Variants in ARL6IP6 observed in about 807,000 individuals in gnomAD.
ARL6IP6 encodes the protein ADP-ribosylation factor-like protein 6-interacting protein 6.
Under a neutral mutation model 21.5 loss-of-function variants are expected in ARL6IP6, and 22 were observed. That is an observed-to-expected ratio of 1.02 (90% CI 0.73 to 1.46). ARL6IP6 has a LOEUF of 1.46. Among genes scored for constraint, ARL6IP6 ranks in the 40% most tolerant of loss-of-function variants. ARL6IP6 has a pLI of 0.00. For missense variants in ARL6IP6, 388 were observed against 299.8 expected (o/e 1.29, Z -2.17); for synonymous variants, 164 against 125.3 (o/e 1.31, Z -2.06).
At chr2:152,755,186 T>C (rs1257365035) in intron 3 of ARL6IP6, among the ~76,000 whole-genome samples, 2 of 152,326 alleles carry the variant, frequency 1.3e-5, no homozygotes, top group East Asian at 3.9e-4. Context: ...AGAGGGCTCC[T>C]TGGTCTAGCG....
upstream of ARL6IP6, chr2:152,718,500 C>G: frequency 1.5e-6 from 2 of 1,367,044 alleles, no homozygotes; most frequent in Non-Finnish European, 1.9e-6. Flanking sequence ...CCTTGCTCTC[C>G]GTGGTTTACC....
At chr2:152,729,334 C>CTGTGTG (rs10604718) in intron 2 of ARL6IP6, among the ~76,000 whole-genome samples, 152 of 151,056 alleles carry the variant, frequency 1.0e-3, no homozygotes, top group African/African-American at 3.5e-3. Context: ...CAGACTTTGT[C>CTGTGTG]TGTGTGTGTG....
chr2:152,753,492 T>C (rs1701432941), intron 3 of ARL6IP6, among the ~76,000 whole-genome samples: 1 of 152,192 alleles, frequency 6.6e-6, no homozygotes, highest in Non-Finnish European at 1.5e-5. Context: ...GATTTGAAAT[T>C]TTAGAATATT....
chr2:152,738,378 G>A (rs1009849793), intron 3 of ARL6IP6, among the ~76,000 whole-genome samples: 6 of 152,324 alleles, frequency 3.9e-5, no homozygotes, highest in South Asian at 4.1e-4. Flanking sequence ...TAGTTCCCCC[G>A]TGGGGACTTT....
intron 2 of ARL6IP6, among the ~76,000 whole-genome samples, chr2:152,726,127 T>G (rs1173189968): frequency 6.6e-6 from 1 of 151,562 alleles, no homozygotes; most frequent in African/African-American, 2.4e-5. Flanking sequence ...TTTGAAATGA[T>G]CTGTAATAAA....
chr2:152,743,751 G>C (rs934324506), intron 3 of ARL6IP6, among the ~76,000 whole-genome samples: 5 of 152,128 alleles, frequency 3.3e-5, no homozygotes, highest in Non-Finnish European at 7.4e-5. Context: ...TGGAAATAAA[G>C]TACTGCTGGA....
chr2:152,756,572 A>G (rs1390625076), intron 3 of ARL6IP6, among the ~76,000 whole-genome samples: 1 of 152,198 alleles, frequency 6.6e-6, no homozygotes, highest in African/African-American at 2.4e-5. Flanking sequence ...CGTATCTTTA[A>G]CAAAAGATTT....
intron 2 of ARL6IP6, among the ~76,000 whole-genome samples, chr2:152,722,779 A>T (rs1462128974): frequency 6.6e-6 from 1 of 152,186 alleles, no homozygotes; most frequent in Non-Finnish European, 1.5e-5. Context: ...ATGGTGGCAC[A>T]GGCCTGTAAT....
intron 2 of ARL6IP6, among the ~76,000 whole-genome samples, chr2:152,726,983 G>T (rs1700078797): frequency 6.6e-6 from 1 of 152,116 alleles, no homozygotes; most frequent in Non-Finnish European, 1.5e-5. Flanking sequence ...ACTGGTTTAT[G>T]TATTTACTAT....
At position 152,760,790 on chromosome 2, in the gene ARL6IP6, A is replaced by G. The variant is rs947538324; in HGVS notation, c.*950A>G. On this transcript the variant is annotated 3_prime_UTR_variant, in exon 4 of 4. Transcript: ENST00000326446. ...TTTTGTATGTGAGAATGATTGAACT[A>G]GTTTGTTCTTAATCTCAAAAATTTA... 1.3e-5 allele frequency: 2 copies of G among 151,994 alleles called. No homozygotes were observed. The highest frequency in any genetic ancestry group is 2.1e-4 in the South Asian group (1 of 4,828). 9.4% of individuals were successfully genotyped at this position (151,994 alleles called of 1,614,324 possible).
In ARL6IP6 at chr2:152,718,800, T is replaced by G. The variant is rs757898288; in HGVS notation, c.176T>G (p.Phe59Cys). ...DQVARDLRAE[F>C]SAGAWSEPRK... ...GTGGCCCGCGACCTGCGGGCGGAGT[T>G]CTCGGCTGGGGCGTGGTCAGAGCCC... Residue 59 changes from phenylalanine to cysteine, a missense_variant, in exon 1 of 4, where the codon TTC becomes TGC. Transcript: ENST00000326446. 1 of 1,607,658 alleles carries G rather than the reference T, an allele frequency of 6.2e-7. No individual in the cohort carries two copies. Among genetic ancestry groups the G allele is most frequent in the South Asian group, 1.1e-5 (1 of 90,244 alleles).
intron 2 of ARL6IP6, among the ~76,000 whole-genome samples, chr2:152,732,176 T>C (rs963591001): frequency 1.3e-5 from 2 of 151,898 alleles, no homozygotes; most frequent in Non-Finnish European, 2.9e-5. Context: ...TATTATAATA[T>C]ACAGAGATAT....
chr2:152,755,878 C>T (rs1465100450), intron 3 of ARL6IP6, among the ~76,000 whole-genome samples: 2 of 152,206 alleles, frequency 1.3e-5, no homozygotes, highest in Non-Finnish European at 2.9e-5. Flanking sequence ...GGGGCTGGAC[C>T]CTACATGTGT....
At position 152,760,972 on chromosome 2, in the gene ARL6IP6, CTT is replaced by C. The variant is rs1037772848; in HGVS notation, c.*1135_*1136del. ...AATTTTTCCCCTATGTTACTAAAGA[CTT>C]TTAATGTTTAGAAAGTTACCTCAGT... On this transcript the variant is annotated 3_prime_UTR_variant, in exon 4 of 4. Coordinates refer to ENST00000326446, the MANE Select transcript of ARL6IP6 (RefSeq NM_152522.7). The C allele has an allele frequency of 6.6e-6, 1 of 152,068 alleles. No individual in the cohort carries two copies. The highest frequency in any genetic ancestry group is 2.4e-5 in the African/African-American group (1 of 41,424). The allele number at this position is 152,068 out of a possible 1,614,324, so 9.4% of individuals were successfully genotyped here. A position where few individuals can be genotyped will look rare whatever the true frequency, so the allele number is the denominator to read the frequency against.
chr2:152,741,658 A>G (rs1700814249), intron 3 of ARL6IP6, among the ~76,000 whole-genome samples: 1 of 152,214 alleles, frequency 6.6e-6, no homozygotes, highest in South Asian at 2.1e-4. Flanking sequence ...GTTATATATT[A>G]GATAAATCTT....
chr2:152,740,522 CAAAATAT>C (rs534520158), intron 3 of ARL6IP6, among the ~76,000 whole-genome samples: 355 of 150,662 alleles, frequency 2.4e-3, no homozygotes, highest in African/African-American at 7.7e-3. Flanking sequence ...CAAATGAATA[CAAAATAT>C]AAAATATAAA....
At chr2:152,752,711 C>A (rs959821027) in intron 3 of ARL6IP6, among the ~76,000 whole-genome samples, 2 of 151,990 alleles carry the variant, frequency 1.3e-5, no homozygotes, top group African/African-American at 4.8e-5. Flanking sequence ...GAATAGGCAC[C>A]CTATGCAGGA....
intron 3 of ARL6IP6, among the ~76,000 whole-genome samples, chr2:152,746,621 G>A (rs2105163059): frequency 6.6e-6 from 1 of 152,136 alleles, no homozygotes; most frequent in African/African-American, 2.4e-5. Flanking sequence ...CTCTAAAATG[G>A]AGTAAAAATA....
chr2:152,751,340 T>C (rs1701321144), intron 3 of ARL6IP6, among the ~76,000 whole-genome samples: 1 of 152,228 alleles, frequency 6.6e-6, no homozygotes, highest in Non-Finnish European at 1.5e-5. Flanking sequence ...CATTTCTTTG[T>C]ATTGTGAGCA....
Sources: allele counts gnomAD v4.1 joint callset (sites outside exome capture counted in the v4.1 genomes callset), GRCh38; gene constraint gnomAD v4.1.1; transcripts MANE v1.5; gene names NCBI Gene and HGNC (gene_info 2026-07-23, HGNC 2026-07-21).